DMD: variants seen among roughly 807,000 people sequenced by gnomAD.
The protein encoded by DMD is mutant dystrophin.
In DMD, 63 loss-of-function variants were observed where a neutral mutation model predicts 330.1. The observed-to-expected ratio is 0.19, with a 90% CI of 0.16 to 0.24. The LOEUF (loss-of-function observed/expected upper bound fraction) is 0.24, where lower values mean the gene tolerates loss of function less well. DMD is among the 10% of genes least tolerant of loss of function. The probability of loss-of-function intolerance (pLI) is 1.00; values close to 1 mark genes in which losing one functional copy is unlikely to be tolerated. For synonymous variants in DMD, 1,223 were observed against 959.8 expected (o/e 1.27, Z -5.07); for missense variants, 3,344 against 2,684.1 (o/e 1.25, Z -5.43).
At chrX:32,373,007 C>T (rs1277232260) in intron 34 of DMD, among the ~76,000 whole-genome samples, 1 of 110,395 alleles carries the variant, frequency 9.1e-6, no homozygotes, top group Non-Finnish European at 1.9e-5. Context: ...ACCACATCCT[C>T]ACTACTTCTG....
At chrX:31,811,014 C>A (rs765512166) in intron 50 of DMD, among the ~76,000 whole-genome samples, 151 of 111,903 alleles carry the variant, frequency 1.3e-3, no homozygotes, top group African/African-American at 4.8e-3. Context: ...AATCTCTAAT[C>A]ATCAGAATTG....
intron 49 of DMD, among the ~76,000 whole-genome samples, chrX:31,830,416 G>GA (rs1479523125): frequency 8.9e-6 from 1 of 111,790 alleles, no homozygotes; most frequent in Non-Finnish European, 1.9e-5. Context: ...CCAACGTGGA[G>GA]AAACCCCATC....
At chrX:32,796,325 T>C (rs929462913) in intron 7 of DMD, among the ~76,000 whole-genome samples, 1 of 111,383 alleles carries the variant, frequency 9.0e-6, no homozygotes, top group Non-Finnish European at 1.9e-5. Context: ...CCAACATGAA[T>C]GAAACTGCAG....
intron 44 of DMD, among the ~76,000 whole-genome samples, chrX:32,205,617 A>C (rs781395585): frequency 8.9e-5 from 10 of 111,852 alleles, no homozygotes; most frequent in Non-Finnish European, 1.7e-4. Flanking sequence ...CTTGGATTAT[A>C]TGTGAATAGG....
intron 76 of DMD, among the ~76,000 whole-genome samples, chrX:31,145,816 C>T (rs2036622132): frequency 9.0e-6 from 1 of 111,063 alleles, no homozygotes; most frequent in African/African-American, 3.3e-5. Flanking sequence ...GCGCCCACCA[C>T]CATGCCTGGC....
chrX:32,757,970 G>T (rs1177292080), intron 7 of DMD, among the ~76,000 whole-genome samples: 1 of 111,586 alleles, frequency 9.0e-6, no homozygotes, highest in Non-Finnish European at 1.9e-5. Flanking sequence ...AGGAAGAGGA[G>T]GGAGGAAAAT....
intron 1 of DMD, among the ~76,000 whole-genome samples, chrX:33,267,881 T>G (rs988889226): frequency 1.1e-4 from 12 of 111,877 alleles, no homozygotes; most frequent in Admixed American, 5.7e-4. Flanking sequence ...CCCTACCTTT[T>G]GCCATATACA....
chrX:31,139,046 T>C (rs1473337511), intron 76 of DMD, among the ~76,000 whole-genome samples: 3 of 112,393 alleles, frequency 2.7e-5, no homozygotes, highest in East Asian at 2.8e-4. Flanking sequence ...CACAGATTCA[T>C]TGCCTGCTCA....
chrX:33,162,313 G>A (rs1334279818), intron 1 of DMD, among the ~76,000 whole-genome samples: 7 of 111,799 alleles, frequency 6.3e-5, no homozygotes, highest in African/African-American at 2.3e-4. Context: ...GATGGTTAGG[G>A]ACGTTGACTG....
chrX:32,120,185 CAGA>C (rs1333648533), intron 44 of DMD, among the ~76,000 whole-genome samples: 2 of 112,158 alleles, frequency 1.8e-5, no homozygotes, highest in African/African-American at 6.5e-5. Context: ...TGTTGGGATT[CAGA>C]AGAATTCCAA....
chrX:32,483,092 T>C (rs2042056889), intron 21 of DMD, among the ~76,000 whole-genome samples: 1 of 97,753 alleles, frequency 1.0e-5, no homozygotes. Context: ...TTGAATTAAT[T>C]TCAAATTAAC....
chrX:31,374,475 T>C (rs1010035113), intron 60 of DMD, among the ~76,000 whole-genome samples: 10 of 107,983 alleles, frequency 9.3e-5, no homozygotes, highest in African/African-American at 3.2e-4. Flanking sequence ...ATACGCACCA[T>C]GGAATACTAT....
At chrX:32,480,374 ATG>A (rs113099165) in intron 21 of DMD, among the ~76,000 whole-genome samples, 24,036 of 102,510 alleles carry the variant, frequency 0.23, 2,281 homozygotes, top group African/African-American at 0.3. Flanking sequence ...AATTTTATAA[ATG>A]TGTGTGTGTG....
chrX:31,475,328 G>A (rs1190696523), intron 59 of DMD, among the ~76,000 whole-genome samples: 6 of 111,920 alleles, frequency 5.4e-5, no homozygotes, highest in Non-Finnish European at 5.6e-5. Flanking sequence ...AAGGAATACC[G>A]CAAATAGGGT....
chrX:32,679,093 G>A (rs1183235055), intron 9 of DMD, among the ~76,000 whole-genome samples: 1 of 111,497 alleles, frequency 9.0e-6, no homozygotes, highest in African/African-American at 3.3e-5. Flanking sequence ...AAAAATATAG[G>A]ACAGTGCCTA....
rs1048071849 is a variant in DMD at position 32,206,171 on chromosome X, A to G, written c.6438+10745T>C. On this transcript the variant is annotated intron_variant, in intron 44 of 78. Coordinates refer to ENST00000357033, the MANE Select transcript of DMD (RefSeq NM_004006.3). ...TTTCCCTTGAGGGCTTTGAAATAAC[A>G]CCATCAGTGGTCTTACGGTTGAAGT... 5 of 510,045 alleles carry G rather than the reference A, an allele frequency of 9.8e-6. No individual in the cohort carries two copies. The African/African-American group carries it at 1.2e-4, about 12-fold the overall frequency. 42.0% of individuals were successfully genotyped at this position (510,045 alleles called of 1,213,427 possible). A position where few individuals can be genotyped will look rare whatever the true frequency, so the allele number is the denominator to read the frequency against.
intron 5 of DMD, among the ~76,000 whole-genome samples, chrX:32,816,874 G>A (rs891095769): frequency 9.0e-6 from 1 of 111,398 alleles, no homozygotes; most frequent in Non-Finnish European, 1.9e-5. Flanking sequence ...TATTACTCCT[G>A]GATTCTGCCA....
chrX:31,843,025 T>C (rs377312865), intron 48 of DMD, among the ~76,000 whole-genome samples: 2 of 111,995 alleles, frequency 1.8e-5, no homozygotes, highest in South Asian at 7.4e-4. Flanking sequence ...TCCAGTTGCA[T>C]GCATGTTGCT....
chrX:32,374,985 T>A (rs148592042), intron 34 of DMD, among the ~76,000 whole-genome samples: 1,322 of 111,851 alleles, frequency 0.012, 10 homozygotes, highest in South Asian at 0.075. Context: ...CCTTCAGTTC[T>A]GATGTTACCT....
Sources: allele counts gnomAD v4.1 joint callset (sites outside exome capture counted in the v4.1 genomes callset), GRCh38; gene constraint gnomAD v4.1.1; transcripts MANE v1.5; gene names NCBI Gene and HGNC (gene_info 2026-07-23, HGNC 2026-07-21).